Variants in SEZ6L observed in about 807,000 individuals in gnomAD.
The protein encoded by SEZ6L is seizure 6-like protein.
SEZ6L carries 37 observed loss-of-function variants against 106.2 expected under a neutral mutation model. The observed-to-expected ratio is 0.35, with a 90% CI of 0.27 to 0.46. The LOEUF (loss-of-function observed/expected upper bound fraction) is 0.46. Among genes scored for constraint, SEZ6L ranks in the 20% least tolerant of loss-of-function variants. The pLI, the probability that SEZ6L is intolerant of heterozygous loss-of-function variation, is 1.00. For synonymous variants in SEZ6L, 541 were observed against 570.4 expected (o/e 0.95, Z 0.73); for missense variants, 1,172 against 1,332.8 (o/e 0.88, Z 1.88).
At chr22:26,301,185 G>C (rs1408235550) in intron 5 of SEZ6L, among the ~76,000 whole-genome samples, 1 of 152,210 alleles carries the variant, frequency 6.6e-6, no homozygotes, top group East Asian at 1.9e-4. Flanking sequence ...GTTGGAGGTA[G>C]CCTGCTGACA....
intron 11 of SEZ6L, among the ~76,000 whole-genome samples, chr22:26,348,861 A>G (rs1601580065): frequency 2.6e-5 from 1 of 39,190 alleles, no homozygotes; most frequent in Non-Finnish European, 4.5e-5. Context: ...GAGGGAGGGG[A>G]GGGTGAGGGA....
rs1248388409 is a variant in SEZ6L, at chr22:26,299,160, A to G, written c.1339A>G (p.Ile447Val). The change falls in exon 5 of 17, where the codon ATC becomes GTC. Residue 447 changes from isoleucine to valine, a missense_variant. Coordinates refer to ENST00000248933, the MANE Select transcript of SEZ6L (RefSeq NM_021115.5). ...GCCGCACTGGAGCAGCCAGGAGCCC[A>G]TCTGCTCAGGTATGCTCCAGCCTCA... ...SKPHWSSQEP[I>V]CSAPCGGAVH... The G allele has an allele frequency of 6.5e-7, 1 of 1,542,906 alleles. No homozygotes were observed.
At chr22:26,254,732 A>G (rs1602177832) in intron 1 of SEZ6L, among the ~76,000 whole-genome samples, 1 of 152,330 alleles carries the variant, frequency 6.6e-6, no homozygotes, top group East Asian at 1.9e-4. Flanking sequence ...CAGTAAGACC[A>G]GAGCAATTGA....
intron 10 of SEZ6L, among the ~76,000 whole-genome samples, chr22:26,342,181 G>A (rs557591329): frequency 2.0e-5 from 3 of 152,342 alleles, no homozygotes; most frequent in South Asian, 2.1e-4. Flanking sequence ...GTGAGTGGTT[G>A]CACCCCAAGA....
At chr22:26,183,273 A>G (rs1002958321) in intron 1 of SEZ6L, among the ~76,000 whole-genome samples, 1 of 152,204 alleles carries the variant, frequency 6.6e-6, no homozygotes, top group Non-Finnish European at 1.5e-5. Context: ...CAATCACTTG[A>G]TAAGTACTAG....
chr22:26,242,235 T>C (rs2079159856), intron 1 of SEZ6L, among the ~76,000 whole-genome samples: 1 of 152,226 alleles, frequency 6.6e-6, no homozygotes. Flanking sequence ...CAGTAGGCAC[T>C]CAATAAATGC....
At chr22:26,341,970 C>T (rs2082850898) in intron 10 of SEZ6L, among the ~76,000 whole-genome samples, 1 of 152,130 alleles carries the variant, frequency 6.6e-6, no homozygotes, top group South Asian at 2.1e-4. Flanking sequence ...CTGGTCCAGC[C>T]CTGTCGTGTT....
At chr22:26,177,175 C>T (rs1433011059) in intron 1 of SEZ6L, among the ~76,000 whole-genome samples, 1 of 152,106 alleles carries the variant, frequency 6.6e-6, no homozygotes, top group Non-Finnish European at 1.5e-5. Context: ...CTTAGGCAGC[C>T]TGTATAAACC....
chr22:26,328,438 A>G (rs2082385960), intron 9 of SEZ6L, among the ~76,000 whole-genome samples: 2 of 152,200 alleles, frequency 1.3e-5, no homozygotes, highest in South Asian at 4.1e-4. Flanking sequence ...AATCTGCTTC[A>G]AGGTCCTGCA....
intron 13 of SEZ6L, among the ~76,000 whole-genome samples, chr22:26,366,722 A>G (rs1394541912): frequency 3.3e-5 from 5 of 152,090 alleles, no homozygotes; most frequent in Non-Finnish European, 7.4e-5. Flanking sequence ...AAACAAACAA[A>G]CAAACAAACA....
intron 1 of SEZ6L, among the ~76,000 whole-genome samples, chr22:26,193,323 G>C (rs1241299832): frequency 6.6e-6 from 1 of 152,106 alleles, no homozygotes; most frequent in Non-Finnish European, 1.5e-5. Context: ...TGGAGCCCTT[G>C]GTGAATATCC....
chr22:26,218,076 C>A (rs1040028432), intron 1 of SEZ6L, among the ~76,000 whole-genome samples: 1 of 152,140 alleles, frequency 6.6e-6, no homozygotes, highest in Non-Finnish European at 1.5e-5. Context: ...AAAACAGATG[C>A]AGGAATATAC....
chr22:26,228,009 G>A (rs1006010136), intron 1 of SEZ6L, among the ~76,000 whole-genome samples: 1 of 152,198 alleles, frequency 6.6e-6, no homozygotes, highest in African/African-American at 2.4e-5. Flanking sequence ...AATTGTCCCT[G>A]GGAACAGTGC....
chr22:26,213,066 A>G (rs1308298886), intron 1 of SEZ6L, among the ~76,000 whole-genome samples: 1 of 152,178 alleles, frequency 6.6e-6, no homozygotes, highest in Non-Finnish European at 1.5e-5. Flanking sequence ...TAAATCCTGG[A>G]GGATGGGGAT....
At chr22:26,189,337 G>A (rs931328245) in intron 1 of SEZ6L, among the ~76,000 whole-genome samples, 2 of 152,116 alleles carry the variant, frequency 1.3e-5, no homozygotes. Flanking sequence ...TCTAACTCTT[G>A]AGTCAAAGAC....
chr22:26,330,254 C>T, intron 9 of SEZ6L, among the ~76,000 whole-genome samples: 1 of 62,944 alleles, frequency 1.6e-5, no homozygotes, highest in East Asian at 2.2e-4. Flanking sequence ...TCCGGCTCTG[C>T]TATATAACCA....
In SEZ6L at chr22:26,294,273, T is replaced by C; in HGVS notation, c.836-19T>C. ...ATCCAAGTTGTCTTTGGTGTCCTAA[T>C]TAAAGTCCTTCCTTCCAGCTCTCTG... On this transcript the variant is annotated intron_variant, in intron 2 of 16. Transcript: ENST00000248933. 1 of 1,613,402 alleles carries C rather than the reference T, an allele frequency of 6.2e-7. No homozygotes were observed. Among genetic ancestry groups the C allele is most frequent in the South Asian group, 1.1e-5 (1 of 90,990 alleles).
At chr22:26,307,518 T>C (rs2081670240) in intron 6 of SEZ6L, among the ~76,000 whole-genome samples, 1 of 151,832 alleles carries the variant, frequency 6.6e-6, no homozygotes, top group Non-Finnish European at 1.5e-5. Flanking sequence ...TTCCCATACC[T>C]CTTGAGTCCA....
intron 1 of SEZ6L, among the ~76,000 whole-genome samples, chr22:26,193,063 G>T (rs1290307374): frequency 2.0e-5 from 3 of 152,164 alleles, no homozygotes; most frequent in Non-Finnish European, 4.4e-5. Context: ...ATGTGAAATC[G>T]CAGATTTATC....
Sources: gnomAD v4.1 joint callset for allele counts (sites outside exome capture counted in the v4.1 genomes callset) on GRCh38, gnomAD v4.1.1 for gene constraint, MANE v1.5 for transcripts, NCBI Gene and HGNC (gene_info 2026-07-23, HGNC 2026-07-21) for gene names.